RFC1: variants seen among roughly 807,000 people sequenced by gnomAD.
RFC1 encodes replication factor C subunit 1, also known as A1 140 kDa subunit.
A neutral mutation model predicts 137.4 loss-of-function variants in RFC1; 37 were observed. That is an observed-to-expected ratio of 0.27 (90% CI 0.21 to 0.35). RFC1 has a LOEUF of 0.35. Among genes scored for constraint, RFC1 ranks in the 10% least tolerant of loss-of-function variants. The probability of loss-of-function intolerance (pLI) is 1.00; values close to 1 mark genes in which losing one functional copy is unlikely to be tolerated. For synonymous variants in RFC1, 429 were observed against 455.7 expected (o/e 0.94, Z 0.75); for missense variants, 1,205 against 1,358.5 (o/e 0.89, Z 1.78).
chr4:39,341,457 T>C (rs778976200), intron 4 of RFC1: 1 of 367,806 alleles, frequency 2.7e-6, no homozygotes, highest in Non-Finnish European at 5.4e-6. Context: ...TTGGTAAAAA[T>C]TTTCCAAAAA....
chr4:39,291,979 C>G (rs943430276), intron 22 of RFC1, 127 bp from the exon 23 acceptor site: 10 of 695,152 alleles, frequency 1.4e-5, no homozygotes, highest in Middle Eastern at 2.6e-4. Context: ...GGAATGCCTA[C>G]TATTTGACAG....
chr4:39,356,350 G>A (rs1741480621), intron 1 of RFC1, among the ~76,000 whole-genome samples: 1 of 152,090 alleles, frequency 6.6e-6, no homozygotes, highest in Non-Finnish European at 1.5e-5. Flanking sequence ...AGTGGACCAA[G>A]ATCACGCCAC....
At chr4:39,310,948 C>T (rs1316411204) in intron 12 of RFC1, among the ~76,000 whole-genome samples, 1 of 152,014 alleles carries the variant, frequency 6.6e-6, no homozygotes, top group African/African-American at 2.4e-5. Flanking sequence ...TCAAGGCCAG[C>T]CTGGCCAACA....
intron 2 of RFC1, 58 bp from the exon 3 acceptor site, chr4:39,345,534 T>A (rs1264362821): frequency 7.1e-7 from 1 of 1,417,614 alleles, no homozygotes; most frequent in Non-Finnish European, 9.7e-7. Flanking sequence ...ATCTTTTTTT[T>A]TTTTGAGACG....
chr4:39,311,374 C>T, intron 12 of RFC1, 71 bp downstream of exon 12: 1 of 1,281,668 alleles, frequency 7.8e-7, no homozygotes, highest in Non-Finnish European at 1.1e-6. Context: ...CCTGTATCCA[C>T]CCAAGACATA....
chr4:39,290,791 G>A (rs1197610919), intron 23 of RFC1, among the ~76,000 whole-genome samples: 1 of 149,446 alleles, frequency 6.7e-6, no homozygotes, highest in South Asian at 2.1e-4. Context: ...CTTCAGCCTG[G>A]GCAACAGAGC....
At chr4:39,332,846 G>C (rs1394638917) in intron 4 of RFC1, among the ~76,000 whole-genome samples, 1 of 152,334 alleles carries the variant, frequency 6.6e-6, no homozygotes, top group East Asian at 1.9e-4. Context: ...GGCCGGACAT[G>C]GTGGCCCACG....
intron 22 of RFC1, among the ~76,000 whole-genome samples, chr4:39,294,294 A>G (rs1196847284): frequency 6.6e-6 from 1 of 152,224 alleles, no homozygotes; most frequent in Non-Finnish European, 1.5e-5. Flanking sequence ...ACCAAAACTT[A>G]AAAGTGGAAT....
At chr4:39,337,238 G>A (rs1216728661) in intron 4 of RFC1, among the ~76,000 whole-genome samples, 1 of 152,194 alleles carries the variant, frequency 6.6e-6, no homozygotes, top group Non-Finnish European at 1.5e-5. Context: ...GCCAGGCATG[G>A]CGGTGCACGC....
rs1318768109 is a variant in RFC1, at chr4:39,321,382, A to C, written c.721-8T>G. On this transcript the variant is annotated splice_polypyrimidine_tract_variant and splice_region_variant and intron_variant, in intron 7 of 24. Coordinates refer to ENST00000349703, the MANE Select transcript of RFC1 (RefSeq NM_002913.5). ...TTCTGTGTCCTTTCGAGCCTAAACA[A>C]ATTTTAAAAGTGTCAAATGTGACAA... The C allele has an allele frequency of 6.2e-7, 1 of 1,611,392 alleles. No homozygotes were observed. The highest frequency in any genetic ancestry group is 8.5e-7 in the Non-Finnish European group (1 of 1,178,754).
chr4:39,308,657 A>T lies in RFC1; in HGVS notation c.1864T>A (p.Ser622Thr). ...TCACCGTGTTTTTTATCTTCGGAAG[A>T]ACTCTTTTGCCAGTTTCGGAGCCAG... ...LRWLRNWQKS[S>T]SEDKKHAKFG... The change falls in exon 13 of 25, where the codon TCT becomes ACT. Residue 622 changes from serine to threonine, a missense_variant. Ser to Thr is a moderately conservative substitution (Grantham distance 58). This residue lies in a region of RFC1 where 962 missense variants were observed against 1,035.3 expected (regional missense o/e 0.93). Coordinates refer to ENST00000349703, the MANE Select transcript of RFC1 (RefSeq NM_002913.5). 1.9e-6 allele frequency: 3 copies of T among 1,611,012 alleles called. No homozygotes were observed. The highest frequency in any genetic ancestry group is 1.7e-6 in the Non-Finnish European group (2 of 1,178,086).
chr4:39,289,420 G>C (rs1327145079), intron 24 of RFC1: 1 of 180,856 alleles, frequency 5.5e-6, no homozygotes, highest in Non-Finnish European at 1.1e-5. Flanking sequence ...GCTGTACACA[G>C]CAGGCTGATA....
intron 3 of RFC1, among the ~76,000 whole-genome samples, chr4:39,344,448 G>A (rs1270906996): frequency 1.3e-5 from 2 of 151,974 alleles, no homozygotes; most frequent in Admixed American, 1.3e-4. Context: ...AACCTCAACT[G>A]GAAAAGAAAT....
At chr4:39,325,394 T>C (rs145084854) in intron 6 of RFC1, among the ~76,000 whole-genome samples, 2 of 152,148 alleles carry the variant, frequency 1.3e-5, no homozygotes, top group African/African-American at 4.8e-5. Context: ...TGAATATTAT[T>C]TTCCGAGAGA....
intron 10 of RFC1, among the ~76,000 whole-genome samples, chr4:39,314,879 T>C (rs919477983): frequency 3.9e-5 from 6 of 152,182 alleles, no homozygotes; most frequent in African/African-American, 1.4e-4. Context: ...TTGATTCTCC[T>C]TCTCCTGCTG....
chr4:39,309,478 ATAT>A, intron 12 of RFC1, among the ~76,000 whole-genome samples: 1 of 152,370 alleles, frequency 6.6e-6, no homozygotes, highest in African/African-American at 2.4e-5. Flanking sequence ...ACACAATGAA[ATAT>A]TATTTACCCC....
At chr4:39,312,678 A>T in intron 11 of RFC1, 74 bp downstream of exon 11, 1 of 1,292,082 alleles carries the variant, frequency 7.7e-7, no homozygotes. Context: ...ACTCTGAGTA[A>T]AGGGCAAATC....
At chr4:39,366,190 G>A in intron 1 of RFC1, 49 bp downstream of exon 1, 2 of 1,546,608 alleles carry the variant, frequency 1.3e-6, no homozygotes, top group Non-Finnish European at 1.7e-6. Context: ...CACCAGGCCT[G>A]CAAAGCCCCC....
chr4:39,311,567 A>C lies in RFC1; in HGVS notation c.1384-18T>G. ...GCTGCGGCCTGTTGATTAAAAATGTAAACCATCAAAACTGCATCCTGCATC... is the reference window on the plus strand; with the variant it reads ...GCTGCGGCCTGTTGATTAAAAATGTCAACCATCAAAACTGCATCCTGCATC... On this transcript the variant is annotated intron_variant, in intron 11 of 24. Transcript: ENST00000349703. 6.3e-7 allele frequency: 1 copy of C among 1,592,900 alleles called. No individual in the cohort carries two copies. The highest frequency in any genetic ancestry group is 1.3e-5 in the African/African-American group (1 of 74,624).
Sources: gnomAD v4.1 joint callset for allele counts (sites outside exome capture counted in the v4.1 genomes callset) on GRCh38, gnomAD v4.1.1 for gene constraint, gnomAD v4.1.1 regional missense constraint, MANE v1.5 for transcripts, NCBI Gene and HGNC (gene_info 2026-07-23, HGNC 2026-07-21) for gene names.